The following SCML4 variants were observed in gnomAD, a reference collection of about 807,000 sequenced individuals.
SCML4 encodes the protein sex comb on midleg-like protein 4.
In SCML4, 34 loss-of-function variants were observed where a neutral mutation model predicts 41.1. That is an observed-to-expected ratio of 0.83 (90% confidence interval 0.63 to 1.10). SCML4 has a LOEUF of 1.10. Ranked by LOEUF, SCML4 falls within the 50% of genes least tolerant of loss-of-function variation. The pLI is 0.00. For missense variants in SCML4, 522 were observed against 534.1 expected, an observed-to-expected ratio of 0.98 and a Z score of 0.22; for synonymous variants, 214 against 220.9, an observed-to-expected ratio of 0.97 and a Z score of 0.28.
At chr6:107,742,863 G>A (rs1236243573) in intron 5 of SCML4, among the ~76,000 whole-genome samples, 1 of 151,912 alleles carries the variant, frequency 6.6e-6, no homozygotes, top group Non-Finnish European at 1.5e-5. Context: ...GTACCATTAC[G>A]TACACAGACA....
intron 7 of SCML4, among the ~76,000 whole-genome samples, chr6:107,705,604 G>A (rs930391874): frequency 6.6e-6 from 1 of 152,134 alleles, no homozygotes; most frequent in African/African-American, 2.4e-5. Flanking sequence ...CCTCATGTGT[G>A]TTCCCAATAT....
At chr6:107,749,590 C>A in intron 3 of SCML4, 94 bp downstream of exon 3, 3 of 1,478,108 alleles carry the variant, frequency 2.0e-6, no homozygotes, top group Non-Finnish European at 9.3e-7. Flanking sequence ...GCCATCTCAG[C>A]AACAACTCTT....
At chr6:107,793,164 C>T (rs1782467163) in intron 1 of SCML4, among the ~76,000 whole-genome samples, 1 of 152,200 alleles carries the variant, frequency 6.6e-6, no homozygotes, top group Admixed American at 6.5e-5. Flanking sequence ...TCCCCATCTC[C>T]TGTGTAGCCC....
chr6:107,802,585 A>G (rs1227561059), intron 1 of SCML4, among the ~76,000 whole-genome samples: 2 of 102,108 alleles, frequency 2.0e-5, no homozygotes, highest in Non-Finnish European at 4.1e-5. Context: ...GGAGGGAGGA[A>G]GGAAGGAAGG....
At chr6:107,762,073 C>T (rs962993341) in intron 2 of SCML4, among the ~76,000 whole-genome samples, 2 of 151,964 alleles carry the variant, frequency 1.3e-5, no homozygotes, top group Non-Finnish European at 1.5e-5. Flanking sequence ...AATTAAAATG[C>T]ATGGCAACAA....
At chr6:107,709,777 T>C (rs1774058563) in intron 6 of SCML4, among the ~76,000 whole-genome samples, 1 of 152,092 alleles carries the variant, frequency 6.6e-6, no homozygotes, top group Non-Finnish European at 1.5e-5. Flanking sequence ...GTGGCCTGAT[T>C]TCTGCTCACT....
At chr6:107,784,936 T>C (rs543520540) in intron 1 of SCML4, among the ~76,000 whole-genome samples, 2 of 152,302 alleles carry the variant, frequency 1.3e-5, no homozygotes, top group East Asian at 1.9e-4. Flanking sequence ...ACATGAGGCA[T>C]AGTACCAGGT....
intron 1 of SCML4, among the ~76,000 whole-genome samples, chr6:107,812,160 C>T (rs1180422864): frequency 6.6e-6 from 1 of 152,216 alleles, no homozygotes; most frequent in Non-Finnish European, 1.5e-5. Flanking sequence ...ATGAGGGCAG[C>T]TGGAATTCTG....
intron 2 of SCML4, among the ~76,000 whole-genome samples, chr6:107,759,367 A>ACATACATACATAC (rs1554213083): frequency 2.0e-5 from 3 of 151,458 alleles, no homozygotes; most frequent in African/African-American, 4.9e-5. Flanking sequence ...ATACATACAT[A>ACATACATACATAC]AGGCTGCTGT....
At chr6:107,706,705 G>T (rs1247188755) in intron 7 of SCML4, among the ~76,000 whole-genome samples, 1 of 152,166 alleles carries the variant, frequency 6.6e-6, no homozygotes, top group Admixed American at 6.5e-5. Context: ...GGTGGGGGGA[G>T]TGGCGGCTGT....
chr6:107,805,429 A>G (rs1343997839), intron 1 of SCML4, among the ~76,000 whole-genome samples: 1 of 152,224 alleles, frequency 6.6e-6, no homozygotes. Context: ...ATTCTCACTA[A>G]TTGTGAGGAG....
chr6:107,758,757 G>A (rs567193878), intron 2 of SCML4, among the ~76,000 whole-genome samples: 207 of 152,130 alleles, frequency 1.4e-3, no homozygotes, highest in African/African-American at 3.0e-3. Context: ...ACCCTCCCCT[G>A]GAGTCTTCAG....
intron 1 of SCML4, among the ~76,000 whole-genome samples, chr6:107,803,077 G>A (rs994970487): frequency 2.6e-5 from 4 of 152,038 alleles, no homozygotes; most frequent in Admixed American, 6.5e-5. Flanking sequence ...GTGCAGTGGC[G>A]TGATCTCGGC....
At chr6:107,792,905 G>A (rs772758657) in intron 1 of SCML4, among the ~76,000 whole-genome samples, 22 of 152,140 alleles carry the variant, frequency 1.4e-4, no homozygotes, top group Non-Finnish European at 2.4e-4. Context: ...GATTGTATAG[G>A]ATCCAGATCA....
intron 6 of SCML4, chr6:107,720,198 G>T: frequency 1.2e-6 from 1 of 821,770 alleles, no homozygotes; most frequent in Non-Finnish European, 1.5e-6. Flanking sequence ...ATGGTTAAGT[G>T]TGGCAAAATG....
In SCML4 at chr6:107,800,533, C is replaced by T. The variant is rs191939401; in HGVS notation, c.-60+23593G>A. Among the ~76,000 whole-genome samples, 492 of 152,288 alleles carry T rather than the reference C, an allele frequency of 3.2e-3. 2 individuals are homozygous for T. The highest frequency in any genetic ancestry group is 0.011 in the African/African-American group (469 of 41,558). ...TGGAAAAGATGTGATTTTTATCTAC[C>T]TATTAGCCTTTCCTTCACTGGTCCT... On this transcript the variant is annotated intron_variant, in intron 1 of 7. Transcript: ENST00000369020.
At chr6:107,845,206 A>G in the SCML4 span, among the ~76,000 whole-genome samples, 1 of 152,188 alleles carries the variant, frequency 6.6e-6, no homozygotes, top group Non-Finnish European at 1.5e-5. Flanking sequence ...ACTGCACTCC[A>G]GCCCGGGCGA....
At chr6:107,790,824 C>T (rs1337437899) in intron 1 of SCML4, among the ~76,000 whole-genome samples, 1 of 152,190 alleles carries the variant, frequency 6.6e-6, no homozygotes, top group Non-Finnish European at 1.5e-5. Flanking sequence ...AATCCCAGCA[C>T]TTTGGAAGGC....
At chr6:107,705,451 C>T (rs1403197845) in intron 7 of SCML4, 126 bp from the exon 8 acceptor site, 2 of 805,346 alleles carry the variant, frequency 2.5e-6, no homozygotes, top group South Asian at 3.6e-5. Flanking sequence ...GCAGCATATT[C>T]TCTTGGTCCT....
Sources: gnomAD v4.1 joint callset for allele counts (sites outside exome capture counted in the v4.1 genomes callset) on GRCh38, gnomAD v4.1.1 for gene constraint, MANE v1.5 for transcripts, NCBI Gene and HGNC (gene_info 2026-07-23, HGNC 2026-07-21) for gene names.